The following PYROXD1 variants were observed in gnomAD, a reference collection of about 807,000 sequenced individuals.
The protein encoded by PYROXD1 is pyridine nucleotide-disulphide oxidoreductase domain 1, also known as tRNA ligase complex-associated NAD(P)H dehydrogenase PYROXD1.
In PYROXD1, 42 loss-of-function variants were observed where a neutral mutation model predicts 62.0. The ratio of observed to expected loss-of-function variants is 0.68; its 90% CI spans 0.53 to 0.88. The LOEUF is 0.88. Ranked by LOEUF, PYROXD1 falls within the 40% of genes least tolerant of loss-of-function variation. The probability of loss-of-function intolerance (pLI) is 0.00; values close to 1 mark genes in which losing one functional copy is unlikely to be tolerated. For synonymous variants in PYROXD1, 170 were observed against 206.4 expected (o/e 0.82, Z 1.51); for missense variants, 493 against 604.8 (o/e 0.82, Z 1.94).
Position 21,470,128 on chromosome 12 carries a change from A to T in PYROXD1, c.*1374A>T. ...AAATTCTTTTAAAAACTATTGTCTA[A>T]CTACAAAAATAATGGCATATACATG... is the stretch of plus-strand genomic sequence containing the variant. On this transcript the variant is annotated 3_prime_UTR_variant, in exon 12 of 12. Transcript: ENST00000240651. The T allele has an allele frequency of 6.4e-7, 1 of 1,553,110 alleles. No homozygotes were observed. The highest frequency in any genetic ancestry group is 1.2e-5 in the South Asian group (1 of 83,738).
At chr12:21,456,908 T>G (rs957214002) in intron 7 of PYROXD1, 8 of 453,600 alleles carry the variant, frequency 1.8e-5, no homozygotes, top group Non-Finnish European at 3.5e-5. Context: ...CCATCTCAGA[T>G]AACTACGTTC....
Position 21,449,755 on chromosome 12 carries a change from T to C in PYROXD1, c.414+64T>C, listed in dbSNP as rs1942457730. 2.1e-6 allele frequency: 3 copies of C among 1,436,202 alleles called. No homozygotes were observed. The East Asian group carries it at 7.0e-5, about 34-fold the overall frequency. The allele number at this position is 1,436,202 out of a possible 1,614,324, so 89.0% of individuals were successfully genotyped here. On this transcript the variant is annotated intron_variant, in intron 4 of 11. Transcript: ENST00000240651. ...AGAATTTTCTACATTTGAATTAAAG[T>C]GTTCCACTTACAATTCCTAAACTGT... is the stretch of plus-strand genomic sequence containing the variant.
chr12:21,467,677 A>G, intron 11 of PYROXD1, 59 bp downstream of exon 11: 1 of 1,270,480 alleles, frequency 7.9e-7, no homozygotes, highest in Non-Finnish European at 1.1e-6. Context: ...ACTATGATAA[A>G]TCATGTGATT....
In PYROXD1 at chr12:21,461,956, G is replaced by A. The variant is rs59772851; in HGVS notation, c.881-52G>A. ...TTGTAGTCACATACACTGCTGTGGT[G>A]ATGGTTCCATTTACAAATAAAGTCT... On this transcript the variant is annotated intron_variant, in intron 8 of 11. Transcript: ENST00000240651. 13 of 1,084,030 alleles carry A rather than the reference G, an allele frequency of 1.2e-5. No individual in the cohort carries two copies. In the African/African-American group the frequency reaches 1.6e-4, roughly 13 times the overall value. The allele number at this position is 1,084,030 out of a possible 1,614,324, so 67.2% of individuals were successfully genotyped here. A position where few individuals can be genotyped will look rare whatever the true frequency, so the allele number is the denominator to read the frequency against.
chr12:21,439,125 C>G (rs1338852802), intron 1 of PYROXD1, among the ~76,000 whole-genome samples: 2 of 152,166 alleles, frequency 1.3e-5, no homozygotes, highest in Non-Finnish European at 2.9e-5. Context: ...CATGGATCAT[C>G]AGGGAGCAGT....
chr12:21,446,790 T>C (rs1942398106), intron 3 of PYROXD1, among the ~76,000 whole-genome samples: 1 of 151,928 alleles, frequency 6.6e-6, no homozygotes, highest in Admixed American at 6.5e-5. Context: ...TGGCGTGCAC[T>C]TGTAGTCCCA....
rs913800944 is a variant in PYROXD1, at chr12:21,468,355, A to G, written c.1255-151A>G. 8.9e-6 allele frequency: 6 copies of G among 672,932 alleles called. No homozygotes were observed. The Admixed American group carries it at 1.5e-4, about 17-fold the overall frequency. The allele number at this position is 672,932 out of a possible 1,614,324, so 41.7% of individuals were successfully genotyped here. A position where few individuals can be genotyped will look rare whatever the true frequency, so the allele number is the denominator to read the frequency against. Reference sequence around the variant, plus strand: ...TAGAATTAACGCATGCTGTTGAAACATTTTCTTTGGGACTCTCCCCAATAA... The same window carrying G: ...TAGAATTAACGCATGCTGTTGAAACGTTTTCTTTGGGACTCTCCCCAATAA... On this transcript the variant is annotated intron_variant, in intron 11 of 11. Coordinates refer to ENST00000240651, the MANE Select transcript of PYROXD1 (RefSeq NM_024854.5).
chr12:21,463,394 T>C (rs2137284563), intron 10 of PYROXD1, among the ~76,000 whole-genome samples: 1 of 152,174 alleles, frequency 6.6e-6, no homozygotes, highest in South Asian at 2.1e-4. Context: ...GTGGTAATCA[T>C]TACTAAAAAA....
In PYROXD1 at chr12:21,443,849, A is replaced by T. The variant is rs189555321; in HGVS notation, c.166-1498A>T. On this transcript the variant is annotated intron_variant, in intron 2 of 11. Coordinates refer to ENST00000240651, the MANE Select transcript of PYROXD1 (RefSeq NM_024854.5). ...CCCTTTATAACCTAAATAGAGATAC[A>T]TATGATAGCTTAGTACTTAGGTATA... is the stretch of plus-strand genomic sequence containing the variant. 2.6e-4 allele frequency among the ~76,000 whole-genome samples: 40 copies of T among 152,300 alleles called. No homozygotes were observed. In the East Asian group the frequency reaches 6.2e-3, roughly 24 times the overall value.
chr12:21,457,744 C>A (rs866878146), intron 7 of PYROXD1, among the ~76,000 whole-genome samples: 10 of 152,146 alleles, frequency 6.6e-5, no homozygotes, highest in Middle Eastern at 3.4e-3. Context: ...ACAACCAGAT[C>A]TCATGAGAAC....
intron 3 of PYROXD1, chr12:21,448,214 C>G (rs1184641254): frequency 1.7e-6 from 1 of 572,010 alleles, no homozygotes; most frequent in African/African-American, 1.9e-5. Flanking sequence ...TTTTCTCTTC[C>G]CCATCCATTT....
chr12:21,442,895 C>T (rs1219230919), intron 2 of PYROXD1, among the ~76,000 whole-genome samples: 2 of 152,184 alleles, frequency 1.3e-5, no homozygotes, highest in Admixed American at 1.3e-4. Flanking sequence ...ATGCCAGGGT[C>T]ATTATTGATT....
At chr12:21,464,167 T>C (rs1942749312) in intron 10 of PYROXD1, among the ~76,000 whole-genome samples, 1 of 151,632 alleles carries the variant, frequency 6.6e-6, no homozygotes, top group Non-Finnish European at 1.5e-5. Flanking sequence ...TTTAATTCTC[T>C]AGGGTAAATT....
chr12:21,460,099 G>A (rs116848607), intron 7 of PYROXD1, among the ~76,000 whole-genome samples: 9 of 152,174 alleles, frequency 5.9e-5, no homozygotes, highest in Admixed American at 1.3e-4. Context: ...GCAGTCCTTC[G>A]TTACTTTGTG....
At chr12:21,452,957 GC>G (rs1942527988) in intron 5 of PYROXD1, among the ~76,000 whole-genome samples, 1 of 152,062 alleles carries the variant, frequency 6.6e-6, no homozygotes, top group Non-Finnish European at 1.5e-5. Context: ...CCCAGTGGAA[GC>G]CTGTAAGAGT....
chr12:21,450,767 T>G (rs1942482013), intron 4 of PYROXD1, among the ~76,000 whole-genome samples: 1 of 152,208 alleles, frequency 6.6e-6, no homozygotes, highest in Admixed American at 6.5e-5. Context: ...TATCTTCTTA[T>G]AAACAATTTA....
At chr12:21,466,065 T>C (rs917469571) in intron 10 of PYROXD1, among the ~76,000 whole-genome samples, 5 of 152,182 alleles carry the variant, frequency 3.3e-5, no homozygotes, top group African/African-American at 7.2e-5. Context: ...TTTTGGTTAC[T>C]GTAGCCTTGT....
At chr12:21,451,900 G>A (rs1305360292) in intron 4 of PYROXD1, among the ~76,000 whole-genome samples, 181 bp from the exon 5 acceptor site, 1 of 152,072 alleles carries the variant, frequency 6.6e-6, no homozygotes, top group Non-Finnish European at 1.5e-5. Flanking sequence ...AAGCATAAAG[G>A]GGGACTTTTG....
At chr12:21,463,598 A>C (rs1157750800) in intron 10 of PYROXD1, among the ~76,000 whole-genome samples, 1 of 151,906 alleles carries the variant, frequency 6.6e-6, no homozygotes, top group African/African-American at 2.4e-5. Flanking sequence ...AGGCTGAGGC[A>C]CAAGAATCCC....
Sources: gnomAD v4.1 joint callset for allele counts (sites outside exome capture counted in the v4.1 genomes callset) on GRCh38, gnomAD v4.1.1 for gene constraint, MANE v1.5 for transcripts, NCBI Gene and HGNC (gene_info 2026-07-23, HGNC 2026-07-21) for gene names.